The following RSU1 variants were observed in gnomAD, a reference collection of about 807,000 sequenced individuals.
RSU1 encodes the protein Ras suppressor protein 1.
In RSU1, 26 loss-of-function variants were observed where a neutral mutation model predicts 31.1. The observed-to-expected ratio is 0.84, with a 90% CI of 0.61 to 1.16. RSU1 has a LOEUF of 1.16. RSU1 is among the 50% of genes most tolerant of loss of function. The pLI is 0.00. For synonymous variants in RSU1, 164 were observed against 136.3 expected (o/e 1.20, Z -1.41); for missense variants, 320 against 339.1 (o/e 0.94, Z 0.44).
At chr10:16,692,959 A>G (rs74228737) in intron 8 of RSU1, among the ~76,000 whole-genome samples, 1 of 151,960 alleles carries the variant, frequency 6.6e-6, no homozygotes, top group East Asian at 1.9e-4. Flanking sequence ...TTTTAAGGCC[A>G]TTGTTCTTTT....
chr10:16,605,751 CG>C (rs1393919256), intron 8 of RSU1, among the ~76,000 whole-genome samples: 2 of 152,164 alleles, frequency 1.3e-5, no homozygotes, highest in African/African-American at 2.4e-5. Context: ...GGTGGAACTC[CG>C]GTTCCTCCAA....
chr10:16,712,662 T>C (rs979207432), intron 7 of RSU1, among the ~76,000 whole-genome samples: 13 of 152,150 alleles, frequency 8.5e-5, no homozygotes, highest in Admixed American at 2.0e-4. Context: ...TTATTATATA[T>C]TTGTAGCCAC....
intron 7 of RSU1, among the ~76,000 whole-genome samples, chr10:16,711,810 C>G (rs1331468042): frequency 6.6e-6 from 1 of 152,160 alleles, no homozygotes; most frequent in Non-Finnish European, 1.5e-5. Context: ...AGCATGTGCT[C>G]TATCCTGGAG....
intron 2 of RSU1, among the ~76,000 whole-genome samples, chr10:16,800,760 A>C (rs1201245836): frequency 5.3e-5 from 8 of 152,352 alleles, no homozygotes; most frequent in South Asian, 2.1e-4. Context: ...AAGTGAGTTA[A>C]GATTAATTGT....
At chr10:16,740,555 G>A (rs1836729082) in intron 7 of RSU1, among the ~76,000 whole-genome samples, 1 of 152,096 alleles carries the variant, frequency 6.6e-6, no homozygotes, top group Non-Finnish European at 1.5e-5. Flanking sequence ...AGGTAAAACA[G>A]CTCTCATAAA....
chr10:16,621,027 G>C (rs940926970), intron 8 of RSU1, among the ~76,000 whole-genome samples: 2 of 152,178 alleles, frequency 1.3e-5, no homozygotes, highest in Admixed American at 6.5e-5. Context: ...CCAAGTAACA[G>C]TTTAAGACCA....
intron 7 of RSU1, among the ~76,000 whole-genome samples, chr10:16,701,093 GGCAGA>G (rs2131570191): frequency 6.6e-6 from 1 of 152,172 alleles, no homozygotes; most frequent in Non-Finnish European, 1.5e-5. Context: ...AGGTTGAACT[GGCAGA>G]GCAAAGGATA....
At chr10:16,632,930 C>T (rs1834278185) in intron 8 of RSU1, among the ~76,000 whole-genome samples, 1 of 151,954 alleles carries the variant, frequency 6.6e-6, no homozygotes, top group Admixed American at 6.6e-5. Context: ...GAGTGAGATC[C>T]CATCTCAAAC....
intron 7 of RSU1, among the ~76,000 whole-genome samples, chr10:16,722,920 G>T (rs1359697561): frequency 6.9e-6 from 1 of 145,726 alleles, no homozygotes; most frequent in East Asian, 2.0e-4. Context: ...ATACATATAT[G>T]TATATATACA....
At chr10:16,621,124 C>T (rs1200897072) in intron 8 of RSU1, among the ~76,000 whole-genome samples, 4 of 152,164 alleles carry the variant, frequency 2.6e-5, no homozygotes, top group African/African-American at 4.8e-5. Flanking sequence ...TGCAATTCTG[C>T]CTCTGCCAGG....
intron 7 of RSU1, among the ~76,000 whole-genome samples, chr10:16,713,815 G>A (rs1836070391): frequency 6.6e-6 from 1 of 152,002 alleles, no homozygotes; most frequent in African/African-American, 2.4e-5. Context: ...CCCTTTCCAG[G>A]TTTATGAAGT....
intron 8 of RSU1, among the ~76,000 whole-genome samples, chr10:16,605,220 G>C (rs9971302): frequency 0.25 from 37,386 of 151,966 alleles, 6,037 homozygotes; most frequent in African/African-American, 0.47. Flanking sequence ...GTGAGTTCCC[G>C]AGCCAGGCCA....
intron 2 of RSU1, among the ~76,000 whole-genome samples, chr10:16,793,579 G>T (rs949601622): frequency 6.6e-6 from 1 of 152,052 alleles, no homozygotes; most frequent in African/African-American, 2.4e-5. Context: ...AAAATACACA[G>T]AAAAACTATT....
At position 16,631,752 on chromosome 10, in the gene RSU1, A is replaced by T. The variant is rs1028836840; in HGVS notation, c.732-38256T>A. 4.6e-4 allele frequency among the ~76,000 whole-genome samples: 70 copies of T among 151,900 alleles called. 3 individuals carry two copies. The highest frequency in any genetic ancestry group is 2.1e-4 in the Non-Finnish European group (14 of 68,004). ...AGTGACAGCACATGGTAGGCCCAGG[A>T]CTCCTTCCTTGCCCCAACTTCTTTG... On this transcript the variant is annotated intron_variant, in intron 8 of 8. Coordinates refer to ENST00000345264, the MANE Select transcript of RSU1 (RefSeq NM_012425.4).
rs185384695 is a variant in RSU1, at chr10:16,738,973, G to A, written c.598+13566C>T. Among the ~76,000 whole-genome samples, 153 of 150,238 alleles carry A rather than the reference G, an allele frequency of 1.0e-3. 1 individual carries two copies. Among genetic ancestry groups the A allele is most frequent in the East Asian group, 5.9e-4 (3 of 5,062 alleles). On this transcript the variant is annotated intron_variant, in intron 7 of 8. Coordinates refer to ENST00000345264, the MANE Select transcript of RSU1 (RefSeq NM_012425.4). ...GAGAACATGTGGTGTTTGGTTTTCT[G>A]TTCCTATGTTAGGCTGCTGAGAATG...
intron 8 of RSU1, among the ~76,000 whole-genome samples, chr10:16,606,126 G>A (rs1833800434): frequency 6.6e-6 from 1 of 152,174 alleles, no homozygotes; most frequent in Non-Finnish European, 1.5e-5. Flanking sequence ...CCTTCTGGGA[G>A]CCAGGCCATT....
At chr10:16,737,156 AAATC>A (rs1217998414) in intron 7 of RSU1, among the ~76,000 whole-genome samples, 1 of 151,982 alleles carries the variant, frequency 6.6e-6, no homozygotes, top group African/African-American at 2.4e-5. Flanking sequence ...GAGAGATGGG[AAATC>A]AATCAATCAA....
chr10:16,644,413 C>T (rs939572410), intron 8 of RSU1, among the ~76,000 whole-genome samples: 6 of 152,240 alleles, frequency 3.9e-5, no homozygotes, highest in African/African-American at 1.4e-4. Flanking sequence ...ACGTGAGTGG[C>T]ATTTCCCACG....
At chr10:16,718,865 C>T (rs1836197439) in intron 7 of RSU1, among the ~76,000 whole-genome samples, 1 of 151,660 alleles carries the variant, frequency 6.6e-6, no homozygotes. Flanking sequence ...CATGTAATCC[C>T]AGCTACTCGA....
Sources: allele counts gnomAD v4.1 joint callset (sites outside exome capture counted in the v4.1 genomes callset), GRCh38; gene constraint gnomAD v4.1.1; transcripts MANE v1.5; gene names NCBI Gene and HGNC (gene_info 2026-07-23, HGNC 2026-07-21).